Variants in SLC25A12 observed in about 807,000 individuals in gnomAD.
SLC25A12 encodes electrogenic aspartate/glutamate antiporter SLC25A12, mitochondrial.
A neutral mutation model predicts 83.3 loss-of-function variants in SLC25A12; 32 were observed. The ratio of observed to expected loss-of-function variants is 0.38; its 90% CI spans 0.29 to 0.52. The LOEUF (loss-of-function observed/expected upper bound fraction) is 0.52. SLC25A12 is among the 20% of genes least tolerant of loss of function. The pLI, the probability that SLC25A12 is intolerant of heterozygous loss-of-function variation, is 0.84. For missense variants in SLC25A12, 611 were observed against 835.6 expected, an observed-to-expected ratio of 0.73 and a Z score of 3.31; for synonymous variants, 267 against 291.1, an observed-to-expected ratio of 0.92 and a Z score of 0.84.
At chr2:171,837,658 C>A (rs907792340) in intron 5 of SLC25A12, among the ~76,000 whole-genome samples, 1 of 152,112 alleles carries the variant, frequency 6.6e-6, no homozygotes, top group Non-Finnish European at 1.5e-5. Flanking sequence ...AAGAGTACTT[C>A]ATGAATTAAG....
At chr2:171,849,556 ATC>A (rs1684874267) in intron 4 of SLC25A12, among the ~76,000 whole-genome samples, 2 of 124,646 alleles carry the variant, frequency 1.6e-5, no homozygotes, top group South Asian at 4.7e-4. Flanking sequence ...CAGTGGTGTG[ATC>A]TTTTTTTTTT....
intron 3 of SLC25A12, among the ~76,000 whole-genome samples, chr2:171,857,691 A>T (rs1395861121): frequency 4.6e-5 from 7 of 151,372 alleles, no homozygotes; most frequent in Non-Finnish European, 1.0e-4. Flanking sequence ...TTTAAAAAAA[A>T]ATTTTTTTTA....
chr2:171,880,997 C>T (rs142784327), intron 2 of SLC25A12, among the ~76,000 whole-genome samples: 4 of 152,154 alleles, frequency 2.6e-5, no homozygotes, highest in Non-Finnish European at 4.4e-5. Context: ...GAATACTAAT[C>T]GTTCCTACCT....
At chr2:171,862,306 G>A (rs1418470083) in intron 3 of SLC25A12, among the ~76,000 whole-genome samples, 1 of 152,162 alleles carries the variant, frequency 6.6e-6, no homozygotes, top group Admixed American at 6.5e-5. Context: ...CACAATTATA[G>A]TCTCTGAGAT....
rs544297639 is a variant in SLC25A12 at position 171,845,120 on chromosome 2, G to A, written c.326-612C>T. 1.4e-4 allele frequency among the ~76,000 whole-genome samples: 21 copies of A among 152,148 alleles called. 1 individual carries two copies. The South Asian group carries it at 4.4e-3, about 32-fold the overall frequency. ...ATCCCCATAAAATCCATGATTATTA[G>A]TCTGAACTATTAAAATATTTTAAGA... is the stretch of plus-strand genomic sequence containing the variant. On this transcript the variant is annotated intron_variant, in intron 4 of 17. Coordinates refer to ENST00000422440, the MANE Select transcript of SLC25A12 (RefSeq NM_003705.5).
In SLC25A12 at chr2:171,893,328, G is replaced by A. The variant is rs1685985892; in HGVS notation, c.13-70C>T. ...GACCACACAATCTCTTCAGATTAGA[G>A]GTCACATGGCTAACAATCAATGCTC... is the stretch of plus-strand genomic sequence containing the variant. On this transcript the variant is annotated intron_variant, in intron 1 of 17. Transcript: ENST00000422440. 8.5e-6 allele frequency: 11 copies of A among 1,291,952 alleles called. 1 individual carries two copies. The South Asian group carries it at 1.1e-4, about 13-fold the overall frequency. The allele number at this position is 1,291,952 out of a possible 1,614,324, so 80.0% of individuals were successfully genotyped here.
rs571670041 is a variant in SLC25A12, at chr2:171,787,183, G to A, written c.1835+388C>T. On this transcript the variant is annotated intron_variant, in intron 17 of 17. Coordinates refer to ENST00000422440, the MANE Select transcript of SLC25A12 (RefSeq NM_003705.5). ...TATAAAAAAGTACAAAAATTAGCTG[G>A]GTGTGGTGGCATGCCTCTGTGGTCC... 1.3e-4 allele frequency among the ~76,000 whole-genome samples: 20 copies of A among 152,124 alleles called. No homozygotes were observed. The East Asian group carries it at 3.5e-3, about 26-fold the overall frequency.
chr2:171,848,182 G>A (rs1388441111), intron 4 of SLC25A12: 1 of 470,986 alleles, frequency 2.1e-6, no homozygotes, highest in Admixed American at 2.3e-5. Context: ...CCTCTGACCG[G>A]GGCTGGCACT....
chr2:171,876,314 GAC>G (rs1277199270), intron 2 of SLC25A12, among the ~76,000 whole-genome samples: 2 of 152,154 alleles, frequency 1.3e-5, no homozygotes, highest in Non-Finnish European at 2.9e-5. Context: ...TTCTACAGGA[GAC>G]AGTTAACTAA....
At chr2:171,853,413 C>T (rs972409870) in intron 4 of SLC25A12, among the ~76,000 whole-genome samples, 8 of 38,460 alleles carry the variant, frequency 2.1e-4, no homozygotes, top group East Asian at 1.7e-3. Context: ...CAGTGGCTCA[C>T]GCCTGTAATC....
At chr2:171,872,377 C>A (rs1685474402) in intron 2 of SLC25A12, among the ~76,000 whole-genome samples, 1 of 152,074 alleles carries the variant, frequency 6.6e-6, no homozygotes, top group African/African-American at 2.4e-5. Flanking sequence ...CTGTCAATTG[C>A]TTTTCTTCCT....
chr2:171,867,990 G>A (rs1044241283), intron 3 of SLC25A12, among the ~76,000 whole-genome samples: 2 of 151,864 alleles, frequency 1.3e-5, no homozygotes, highest in African/African-American at 2.4e-5. Flanking sequence ...GACTACAGGC[G>A]CCCGTCACCG....
At chr2:171,837,074 A>G (rs1361179162) in intron 6 of SLC25A12, 47 bp downstream of exon 6, 4 of 1,602,522 alleles carry the variant, frequency 2.5e-6, no homozygotes, top group Non-Finnish European at 3.4e-6. Flanking sequence ...TCAATGGATC[A>G]AAAGGTTTGA....
intron 13 of SLC25A12, among the ~76,000 whole-genome samples, chr2:171,800,204 A>G (rs1683682023): frequency 6.6e-6 from 1 of 152,154 alleles, no homozygotes; most frequent in African/African-American, 2.4e-5. Context: ...ACTGGCAAAA[A>G]AATATCCACA....
chr2:171,880,536 C>T (rs140510025), intron 2 of SLC25A12, among the ~76,000 whole-genome samples: 48 of 152,230 alleles, frequency 3.2e-4, no homozygotes, highest in African/African-American at 1.0e-3. Context: ...CCTCAGCCTT[C>T]GAAAGTGCTG....
chr2:171,826,897 TAGGA>T lies in SLC25A12; in HGVS notation c.846-19_846-16del. ...AAGTCAAGCGCCTTCAGGAAAAATATAGGAAAGAATTGTTAGACACTGACAAACT... is the reference window on the plus strand; with the variant it reads ...AAGTCAAGCGCCTTCAGGAAAAATATAAGAATTGTTAGACACTGACAAACT... On this transcript the variant is annotated splice_polypyrimidine_tract_variant and intron_variant, in intron 8 of 17. Coordinates refer to ENST00000422440, the MANE Select transcript of SLC25A12 (RefSeq NM_003705.5). The T allele has an allele frequency of 6.7e-7, 1 of 1,489,826 alleles. No homozygotes were observed. The highest frequency in any genetic ancestry group is 9.4e-7 in the Non-Finnish European group (1 of 1,067,450). 92.3% of individuals were successfully genotyped at this position (1,489,826 alleles called of 1,614,324 possible).
intron 13 of SLC25A12, among the ~76,000 whole-genome samples, chr2:171,807,467 G>A (rs1683858107): frequency 6.6e-6 from 1 of 152,150 alleles, no homozygotes; most frequent in East Asian, 1.9e-4. Flanking sequence ...TGTCAGACAT[G>A]GAAACAGGTC....
At position 171,866,201 on chromosome 2, in the gene SLC25A12, G is replaced by C. The variant is rs1216090326; in HGVS notation, c.209+2480C>G. On this transcript the variant is annotated intron_variant, in intron 3 of 17. Transcript: ENST00000422440. ...CAGGATAAGAATTTTTCTTAGTACA[G>C]AACAAAATGAAAAGTCTCCCATGTC... 2.1e-5 allele frequency among the ~76,000 whole-genome samples: 3 copies of C among 142,456 alleles called. No individual in the cohort carries two copies. The Admixed American group carries it at 2.1e-4, about 10-fold the overall frequency. The allele number at this position is 142,456 out of a possible 152,430, so 93.5% of individuals were successfully genotyped here. A position where few individuals can be genotyped will look rare whatever the true frequency, so the allele number is the denominator to read the frequency against.
intron 3 of SLC25A12, among the ~76,000 whole-genome samples, chr2:171,866,723 G>A (rs1264059909): frequency 3.7e-5 from 5 of 135,858 alleles, no homozygotes; most frequent in African/African-American, 1.4e-4. Flanking sequence ...GGGCAGAGGC[G>A]CCCCTCACCT....
Sources: gnomAD v4.1 joint callset for allele counts (sites outside exome capture counted in the v4.1 genomes callset) on GRCh38, gnomAD v4.1.1 for gene constraint, MANE v1.5 for transcripts, NCBI Gene and HGNC (gene_info 2026-07-23, HGNC 2026-07-21) for gene names.